The following TLN2 variants were observed in gnomAD, a reference collection of about 807,000 sequenced individuals.
TLN2 encodes talin-2.
A neutral mutation model predicts 294.7 loss-of-function variants in TLN2; 118 were observed. The ratio of observed to expected loss-of-function variants is 0.40; its 90% CI spans 0.34 to 0.47. The LOEUF (loss-of-function observed/expected upper bound fraction) is 0.47, where lower values mean the gene tolerates loss of function less well. TLN2 is among the 20% of genes least tolerant of loss of function. The pLI, the probability that TLN2 is intolerant of heterozygous loss-of-function variation, is 0.84. For missense variants in TLN2, 3,083 were observed against 3,282.2 expected (o/e 0.94, Z 1.48); for synonymous variants, 1,431 against 1,304.5 (o/e 1.10, Z -2.09).
chr15:62,419,977 T>C (rs1438542127), intron 1 of TLN2, among the ~76,000 whole-genome samples: 1 of 152,206 alleles, frequency 6.6e-6, no homozygotes, highest in Non-Finnish European at 1.5e-5. Flanking sequence ...TTAGGTTTAC[T>C]TCCTCAAAGA....
chr15:62,456,986 T>C (rs950756269), intron 1 of TLN2, among the ~76,000 whole-genome samples: 8 of 152,184 alleles, frequency 5.3e-5, no homozygotes, highest in African/African-American at 1.7e-4. Flanking sequence ...CAAGCTACTT[T>C]TTACAACCTG....
intron 3 of TLN2, among the ~76,000 whole-genome samples, chr15:62,641,530 C>T (rs6494335): frequency 0.71 from 107,738 of 151,918 alleles, 41,101 homozygotes; most frequent in Admixed American, 0.84. Flanking sequence ...GCAGGAGAAT[C>T]GTTTGAACCG....
At chr15:62,624,832 G>A (rs4454915) in intron 3 of TLN2, among the ~76,000 whole-genome samples, 39,179 of 152,090 alleles carry the variant, frequency 0.26, 5,844 homozygotes, top group East Asian at 0.54. Flanking sequence ...GTAACACCAC[G>A]TCAATGTGAC....
intron 1 of TLN2, among the ~76,000 whole-genome samples, chr15:62,549,628 C>G (rs1187589697): frequency 6.6e-6 from 1 of 152,174 alleles, no homozygotes; most frequent in African/African-American, 2.4e-5. Flanking sequence ...GGGAATTTGA[C>G]AAATCTACAA....
In TLN2 at chr15:62,820,005, T is replaced by A. The variant is rs553486611; in HGVS notation, c.6877+384T>A. Among the ~76,000 whole-genome samples, 39 of 152,338 alleles carry A rather than the reference T, an allele frequency of 2.6e-4. 1 individual carries two copies. Among genetic ancestry groups the A allele is most frequent in the Middle Eastern group, 3.4e-3 (1 of 294 alleles). ...CCTGAAAACATTGTTTGGACACCCT[T>A]TATGTTTACATAGAAGCAATCAACC... On this transcript the variant is annotated intron_variant, in intron 53 of 58. Coordinates refer to ENST00000636159, the MANE Select transcript of TLN2 (RefSeq NM_015059.3).
chr15:62,760,193 C>T (rs1053796654), intron 37 of TLN2, among the ~76,000 whole-genome samples: 3 of 152,120 alleles, frequency 2.0e-5, no homozygotes, highest in African/African-American at 7.2e-5. Flanking sequence ...GGGCATGAGC[C>T]AAGGCAAGCC....
intron 1 of TLN2, among the ~76,000 whole-genome samples, chr15:62,392,065 G>C (rs2032140230): frequency 6.6e-6 from 1 of 152,276 alleles, no homozygotes; most frequent in Non-Finnish European, 1.5e-5. Flanking sequence ...CCGCCGAACA[G>C]CCTGAGCTTC....
At position 62,729,024 on chromosome 15, in the gene TLN2, G is replaced by T. The variant is rs141200229; in HGVS notation, c.3358+1835G>T. On this transcript the variant is annotated intron_variant, in intron 28 of 58. Coordinates refer to ENST00000636159, the MANE Select transcript of TLN2 (RefSeq NM_015059.3). The stretch of plus-strand genomic sequence containing the variant: ...TCTATCTGGAATGAGTTTTATTTAT[G>T]TGCAGTAGGATTCATTTAATTGTTT... 2.4e-4 allele frequency among the ~76,000 whole-genome samples: 37 copies of T among 152,244 alleles called. No individual in the cohort carries two copies. The East Asian group carries it at 6.7e-3, about 28-fold the overall frequency.
intron 1 of TLN2, among the ~76,000 whole-genome samples, chr15:62,531,252 A>G (rs1281329600): frequency 6.6e-6 from 1 of 152,256 alleles, no homozygotes; most frequent in Admixed American, 6.5e-5. Context: ...CTTAAAAAAG[A>G]AATTTGTCAT....
intron 9 of TLN2, among the ~76,000 whole-genome samples, chr15:62,658,534 C>T (rs1471833508): frequency 1.3e-5 from 2 of 152,208 alleles, no homozygotes; most frequent in Admixed American, 6.5e-5. Flanking sequence ...CAAACCTCTG[C>T]CCTTGGGTTA....
intron 24 of TLN2, among the ~76,000 whole-genome samples, 153 bp downstream of exon 24, chr15:62,717,842 G>A (rs1490979855): frequency 6.6e-6 from 1 of 152,178 alleles, no homozygotes; most frequent in African/African-American, 2.4e-5. Context: ...TACACGTCTG[G>A]TTTTTGTCCA....
chr15:62,551,331 C>A (rs1341564991), intron 1 of TLN2, among the ~76,000 whole-genome samples: 1 of 152,142 alleles, frequency 6.6e-6, no homozygotes, highest in Non-Finnish European at 1.5e-5. Flanking sequence ...GTAGACTGTA[C>A]TTCTTAATTC....
intron 29 of TLN2, among the ~76,000 whole-genome samples, 174 bp downstream of exon 29, chr15:62,737,260 C>A (rs1333002863): frequency 6.6e-6 from 1 of 152,234 alleles, no homozygotes; most frequent in African/African-American, 2.4e-5. Context: ...TTTTGTAAGT[C>A]TTGCCTAGTA....
chr15:62,774,622 C>T (rs1277939209), intron 42 of TLN2, among the ~76,000 whole-genome samples: 1 of 152,058 alleles, frequency 6.6e-6, no homozygotes, highest in Non-Finnish European at 1.5e-5. Context: ...TTGAGCTGAC[C>T]CTCTAAGAAT....
At chr15:62,699,344 C>T (rs1029615623) in intron 16 of TLN2, among the ~76,000 whole-genome samples, 1 of 151,642 alleles carries the variant, frequency 6.6e-6, no homozygotes, top group Admixed American at 6.6e-5. Flanking sequence ...CAGCATCATC[C>T]GAAGGGCCTG....
At chr15:62,483,639 A>G (rs992065218) in intron 1 of TLN2, among the ~76,000 whole-genome samples, 22 of 152,100 alleles carry the variant, frequency 1.4e-4, no homozygotes, top group African/African-American at 4.8e-4. Flanking sequence ...TATTCTCTCC[A>G]GCTGTTGGCA....
chr15:62,399,464 T>C (rs1441519706), intron 1 of TLN2, among the ~76,000 whole-genome samples: 1 of 151,918 alleles, frequency 6.6e-6, no homozygotes, highest in East Asian at 1.9e-4. Flanking sequence ...CACCCCAGAA[T>C]AGTAGATCCA....
At chr15:62,465,899 A>T (rs750661084) in intron 1 of TLN2, among the ~76,000 whole-genome samples, 1 of 152,180 alleles carries the variant, frequency 6.6e-6, no homozygotes, top group Non-Finnish European at 1.5e-5. Flanking sequence ...GAATAGAATC[A>T]TAGGTTTTAG....
intron 1 of TLN2, among the ~76,000 whole-genome samples, chr15:62,466,182 G>T (rs942730080): frequency 1.3e-5 from 2 of 152,154 alleles, no homozygotes; most frequent in Non-Finnish European, 2.9e-5. Flanking sequence ...TCAGTCTAGG[G>T]GTTGCAAAAC....
Sources: allele counts gnomAD v4.1 joint callset (sites outside exome capture counted in the v4.1 genomes callset), GRCh38; gene constraint gnomAD v4.1.1; transcripts MANE v1.5; gene names NCBI Gene and HGNC (gene_info 2026-07-23, HGNC 2026-07-21).